KLF8: variants seen among roughly 807,000 people sequenced by gnomAD.
The protein encoded by KLF8 is Krueppel-like factor 8.
KLF8 carries 10 observed loss-of-function variants against 18.2 expected under a neutral mutation model. That is an observed-to-expected ratio of 0.55 (90% CI 0.34 to 0.93). The LOEUF is 0.93. Ranked by LOEUF, KLF8 falls within the 40% of genes least tolerant of loss-of-function variation. KLF8 has a pLI of 0.02. For synonymous variants in KLF8, 109 were observed against 97.3 expected (o/e 1.12, Z -0.71); for missense variants, 264 against 277.9 (o/e 0.95, Z 0.36).
At chrX:56,138,406 A>T in the KLF8 span, among the ~76,000 whole-genome samples, 3 of 111,669 alleles carry the variant, frequency 2.7e-5, no homozygotes, top group East Asian at 8.4e-4. Context: ...ACATTGATGC[A>T]AAACTCCTCA....
the KLF8 span, among the ~76,000 whole-genome samples, chrX:55,926,555 G>A: frequency 1.8e-5 from 2 of 110,329 alleles, no homozygotes; most frequent in Admixed American, 1.9e-4. Flanking sequence ...ATTTACTTTC[G>A]TATTTGTTGG....
the KLF8 span, among the ~76,000 whole-genome samples, chrX:55,986,840 T>G: frequency 8.9e-6 from 1 of 111,815 alleles, no homozygotes; most frequent in Admixed American, 9.5e-5. Flanking sequence ...CTGATCCTCA[T>G]CTTCTCCCAG....
the KLF8 span, among the ~76,000 whole-genome samples, chrX:55,975,504 T>A: frequency 1.8e-5 from 2 of 111,936 alleles, no homozygotes; most frequent in Admixed American, 1.9e-4. Context: ...TTCCACATAT[T>A]GGGACTTTTA....
chrX:56,160,486 G>A, the KLF8 span, among the ~76,000 whole-genome samples: 1 of 111,079 alleles, frequency 9.0e-6, no homozygotes, highest in South Asian at 3.8e-4. Context: ...GTTGACAGTG[G>A]GGTGTTAAAG....
the KLF8 span, among the ~76,000 whole-genome samples, chrX:56,075,033 G>A: frequency 1.8e-5 from 2 of 110,741 alleles, no homozygotes; most frequent in Non-Finnish European, 3.8e-5. Flanking sequence ...GGTATGCAAT[G>A]TATAATAATC....
the KLF8 span, among the ~76,000 whole-genome samples, chrX:56,222,558 G>A: frequency 1.8e-5 from 2 of 112,918 alleles, no homozygotes; most frequent in East Asian, 5.6e-4. Flanking sequence ...GGATCTAGCA[G>A]CAGGGTGCAG....
At chrX:55,987,072 C>T in the KLF8 span, among the ~76,000 whole-genome samples, 8 of 110,895 alleles carry the variant, frequency 7.2e-5, no homozygotes, top group East Asian at 8.4e-4. Flanking sequence ...AAGAGTGCTA[C>T]GATGAACATG....
At chrX:56,139,878 T>C in the KLF8 span, among the ~76,000 whole-genome samples, 7 of 111,658 alleles carry the variant, frequency 6.3e-5, no homozygotes, top group African/African-American at 2.3e-4. Context: ...AAATTATGCA[T>C]CTGACAAAGG....
chrX:56,206,421 T>C, the KLF8 span, among the ~76,000 whole-genome samples: 1 of 112,104 alleles, frequency 8.9e-6, no homozygotes, highest in South Asian at 3.7e-4. Context: ...CTAGATACAA[T>C]GGGAGTACGG....
the KLF8 span, among the ~76,000 whole-genome samples, chrX:55,992,726 A>G: frequency 2.7e-5 from 3 of 112,135 alleles, no homozygotes; most frequent in Admixed American, 1.9e-4. Flanking sequence ...CTTTCTATCT[A>G]TGATAATGGA....
At chrX:56,063,319 T>C in the KLF8 span, among the ~76,000 whole-genome samples, 1 of 111,752 alleles carries the variant, frequency 8.9e-6, no homozygotes, top group Non-Finnish European at 1.9e-5. Flanking sequence ...GCCTTTGGTC[T>C]TTAGTGTTCG....
At chrX:56,006,863 C>T in the KLF8 span, among the ~76,000 whole-genome samples, 1 of 111,910 alleles carries the variant, frequency 8.9e-6, no homozygotes, top group Non-Finnish European at 1.9e-5. Context: ...CACATGTGTA[C>T]CAGTGTCAAC....
the KLF8 span, among the ~76,000 whole-genome samples, chrX:56,179,797 C>T: frequency 4.5e-5 from 5 of 111,531 alleles, no homozygotes; most frequent in African/African-American, 6.5e-5. Flanking sequence ...TTACATTCAT[C>T]GATTTGGGTA....
At chrX:56,235,670 C>G (rs1204342877) in intron 1 of KLF8, among the ~76,000 whole-genome samples, 1 of 110,886 alleles carries the variant, frequency 9.0e-6, no homozygotes, top group Non-Finnish European at 1.9e-5. Context: ...TCCACCTCAG[C>G]CTCCCAAAGT....
the KLF8 span, among the ~76,000 whole-genome samples, chrX:55,937,004 T>C: frequency 1.8e-5 from 2 of 111,671 alleles, no homozygotes; most frequent in Non-Finnish European, 3.8e-5. Context: ...AATGTTCCTG[T>C]CTGACAGCTT....
At chrX:56,129,370 AG>A in the KLF8 span, among the ~76,000 whole-genome samples, 84 of 112,236 alleles carry the variant, frequency 7.5e-4, no homozygotes, top group African/African-American at 2.7e-3. Context: ...AAAGTGGGAA[AG>A]GGGGATTGTC....
chrX:56,185,021 G>A, the KLF8 span, among the ~76,000 whole-genome samples: 73 of 112,939 alleles, frequency 6.5e-4, no homozygotes, highest in African/African-American at 2.2e-3. Context: ...AAAGCTGGAC[G>A]GAGAATGATT....
At chrX:55,973,697 GT>G in the KLF8 span, among the ~76,000 whole-genome samples, 9,580 of 111,739 alleles carry the variant, frequency 0.086, 995 homozygotes, top group African/African-American at 0.3. Context: ...AATAACAAAA[GT>G]TTATTAGATT....
the KLF8 span, among the ~76,000 whole-genome samples, chrX:56,183,993 C>T: frequency 1.8e-5 from 2 of 111,341 alleles, no homozygotes; most frequent in South Asian, 7.9e-4. Flanking sequence ...CCAGGATCAT[C>T]TCACTAGGGA....
Sources: gnomAD v4.1 joint callset for allele counts (sites outside exome capture counted in the v4.1 genomes callset) on GRCh38, gnomAD v4.1.1 for gene constraint, MANE v1.5 for transcripts, NCBI Gene and HGNC (gene_info 2026-07-23, HGNC 2026-07-21) for gene names.